Variants in ACOT7 observed in about 807,000 individuals in gnomAD.
The protein encoded by ACOT7 is cytosolic acyl coenzyme A thioester hydrolase.
ACOT7 carries 12 observed loss-of-function variants against 40.2 expected under a neutral mutation model. The ratio of observed to expected loss-of-function variants is 0.30; its 90% CI spans 0.19 to 0.48. The LOEUF (loss-of-function observed/expected upper bound fraction) is 0.48. Ranked by LOEUF, ACOT7 falls within the 20% of genes least tolerant of loss-of-function variation. The pLI, the probability that ACOT7 is intolerant of heterozygous loss-of-function variation, is 0.99. For missense variants in ACOT7, 395 were observed against 530.8 expected, an observed-to-expected ratio of 0.74 and a Z score of 2.51; for synonymous variants, 228 against 219.5, an observed-to-expected ratio of 1.04 and a Z score of -0.34.
At chr1:6,350,988 C>T (rs888286017) in intron 1 of ACOT7, among the ~76,000 whole-genome samples, 1 of 152,232 alleles carries the variant, frequency 6.6e-6, no homozygotes, top group African/African-American at 2.4e-5. Flanking sequence ...CACTCCACAA[C>T]AGCGCTGGCA....
Position 6,281,126 on chromosome 1 carries a change from C to T in ACOT7, c.990G>A (p.Arg330=), listed in dbSNP as rs142092981. ...CCACCAGCTGGGGCACAGGCAGCGACCTGCCTTCCTGGCTCAGCGACACGT... is the reference window on the plus strand; with the variant it reads ...CCACCAGCTGGGGCACAGGCAGCGATCTGCCTTCCTGGCTCAGCGACACGT... The part of the protein sequence containing the change: ...FTYVSLSQEG[R]SLPVPQLVPE... The change falls in exon 8 of 9, where the codon AGG becomes AGA. Residue 330 remains arginine (R), a synonymous_variant. Coordinates refer to ENST00000361521, the MANE Select transcript of ACOT7 (RefSeq NM_007274.4). The T allele has an allele frequency of 9.8e-5, 158 of 1,613,788 alleles. No individual in the cohort carries two copies. Among genetic ancestry groups the T allele is most frequent in the Non-Finnish European group, 1.2e-4 (141 of 1,180,042 alleles).
chr1:6,277,007 G>A (rs540124336), intron 8 of ACOT7, among the ~76,000 whole-genome samples: 1 of 151,920 alleles, frequency 6.6e-6, no homozygotes, highest in South Asian at 2.1e-4. Flanking sequence ...CCCAGGGTAT[G>A]GAGTTCTGGA....
At chr1:6,334,172 C>G (rs888017001) in intron 3 of ACOT7, among the ~76,000 whole-genome samples, 1 of 152,196 alleles carries the variant, frequency 6.6e-6, no homozygotes, top group South Asian at 2.1e-4. Flanking sequence ...TGCCCGGGGA[C>G]ACGAGGCTGA....
At chr1:6,337,257 C>G (rs1641131415) in intron 3 of ACOT7, among the ~76,000 whole-genome samples, 2 of 152,212 alleles carry the variant, frequency 1.3e-5, no homozygotes, top group Non-Finnish European at 2.9e-5. Flanking sequence ...GAGAAGCTCC[C>G]AGCACCTTCT....
chr1:6,375,745 G>A (rs908410256), intron 1 of ACOT7, among the ~76,000 whole-genome samples: 4 of 149,962 alleles, frequency 2.7e-5, no homozygotes, highest in African/African-American at 9.8e-5. Flanking sequence ...GACCATCCTG[G>A]TTAACACGGT....
intron 3 of ACOT7, among the ~76,000 whole-genome samples, chr1:6,339,064 G>T (rs1641188315): frequency 6.6e-6 from 1 of 152,204 alleles, no homozygotes; most frequent in African/African-American, 2.4e-5. Context: ...AGGGCAAGCA[G>T]GGCAGGGAGA....
intron 8 of ACOT7, among the ~76,000 whole-genome samples, chr1:6,280,230 G>A (rs1161117706): frequency 6.6e-6 from 1 of 152,246 alleles, no homozygotes; most frequent in East Asian, 1.9e-4. Flanking sequence ...AGCTCCTACA[G>A]CTCTGCTTTC....
intron 2 of ACOT7, among the ~76,000 whole-genome samples, chr1:6,347,770 A>G (rs1641473086): frequency 6.6e-6 from 1 of 150,902 alleles, no homozygotes; most frequent in South Asian, 2.1e-4. Context: ...CTGTCTCAGA[A>G]AAAAAAAAAC....
chr1:6,272,665 C>A (rs1639069839), intron 8 of ACOT7, among the ~76,000 whole-genome samples: 1 of 152,216 alleles, frequency 6.6e-6, no homozygotes, highest in South Asian at 2.1e-4. Context: ...ACACTCCACA[C>A]CCCTTGCTGA....
chr1:6,272,124 C>G (rs1197904892), intron 8 of ACOT7, among the ~76,000 whole-genome samples: 2 of 152,240 alleles, frequency 1.3e-5, no homozygotes, highest in African/African-American at 4.8e-5. Flanking sequence ...GTGCTCATGG[C>G]ACACCTCTGC....
chr1:6,354,479 G>A lies in ACOT7; in HGVS notation c.144-4613C>T, dbSNP rs137934407. Among the ~76,000 whole-genome samples the A allele has an allele frequency of 1.1e-3, 168 of 152,358 alleles. 1 individual carries two copies. The highest frequency in any genetic ancestry group is 3.8e-3 in the African/African-American group (158 of 41,578). On this transcript the variant is annotated intron_variant, in intron 1 of 8. Coordinates refer to ENST00000361521, the MANE Select transcript of ACOT7 (RefSeq NM_007274.4). The stretch of plus-strand genomic sequence containing the variant: ...AGAAGCGATGTCCTGAGACAGGGAC[G>A]CAGCTGTCATGCAGGGCCTCAGGGC...
intron 1 of ACOT7, among the ~76,000 whole-genome samples, chr1:6,375,219 C>T (rs1011894082): frequency 3.4e-5 from 5 of 147,950 alleles, no homozygotes; most frequent in East Asian, 2.0e-4. Flanking sequence ...GCCAAGATCG[C>T]GCCACTGCAC....
chr1:6,369,650 C>T (rs1642091238), intron 1 of ACOT7, among the ~76,000 whole-genome samples: 1 of 152,046 alleles, frequency 6.6e-6, no homozygotes, highest in African/African-American at 2.4e-5. Flanking sequence ...ACGATCTCAG[C>T]TCACTGCAAG....
chr1:6,289,158 G>A lies in ACOT7; in HGVS notation c.829+5706C>T, dbSNP rs1362374450. Among the ~76,000 whole-genome samples the A allele has an allele frequency of 6.6e-6, 1 of 152,144 alleles. No individual in the cohort carries two copies. The highest frequency in any genetic ancestry group is 1.5e-5 in the Non-Finnish European group (1 of 68,028). Reference sequence around the variant, plus strand: ...TCTGTCGCCCCGGCTGGAGTGCAGTGACACGATCTCGGCTCACTGCAACAT... The same window carrying A: ...TCTGTCGCCCCGGCTGGAGTGCAGTAACACGATCTCGGCTCACTGCAACAT... On this transcript the variant is annotated intron_variant, in intron 7 of 8. Transcript: ENST00000361521. The surrounding 1 kb of genome is among the most constrained non-coding windows in gnomAD (Gnocchi z 4.6).
rs776105294 is a variant in ACOT7 at position 6,330,391 on chromosome 1, G to T, written c.511-2978C>A. Among the ~76,000 whole-genome samples, 1 of 152,194 alleles carries T rather than the reference G, an allele frequency of 6.6e-6. No individual in the cohort carries two copies. The highest frequency in any genetic ancestry group is 1.5e-5 in the Non-Finnish European group (1 of 68,034). On this transcript the variant is annotated intron_variant, in intron 4 of 8. Transcript: ENST00000361521. The surrounding 1 kb of genome is among the most constrained non-coding windows in gnomAD (Gnocchi z 4.6). ...AGACCTAGATTCCAAATCAGTGGGA[G>T]GTTTATACTACGTGGGCCTAGCGTG...
At chr1:6,374,440 C>G (rs530159440) in intron 1 of ACOT7, among the ~76,000 whole-genome samples, 2 of 152,344 alleles carry the variant, frequency 1.3e-5, no homozygotes, top group African/African-American at 4.8e-5. Flanking sequence ...CTCCAAATGT[C>G]AAGGAGGATG....
At chr1:6,392,919 C>A (rs1417911325) in intron 1 of ACOT7, among the ~76,000 whole-genome samples, 24 of 152,168 alleles carry the variant, frequency 1.6e-4, no homozygotes, top group Non-Finnish European at 3.4e-4. Context: ...GGGCGGCCCA[C>A]GGGCGCCGGT....
intron 6 of ACOT7, among the ~76,000 whole-genome samples, chr1:6,300,534 A>C (rs1639938925): frequency 1.4e-5 from 2 of 140,936 alleles, no homozygotes; most frequent in South Asian, 2.3e-4. Flanking sequence ...CCTCTCCACA[A>C]ACACAGAATC....
chr1:6,281,013 C>A lies in ACOT7; in HGVS notation c.1014+89G>T, dbSNP rs899509487. 6 of 1,502,672 alleles carry A rather than the reference C, an allele frequency of 4.0e-6. No individual in the cohort carries two copies. The South Asian group carries it at 6.0e-5, about 15-fold the overall frequency. The allele number at this position is 1,502,672 out of a possible 1,614,324, so 93.1% of individuals were successfully genotyped here. On this transcript the variant is annotated intron_variant, in intron 8 of 8. Coordinates refer to ENST00000361521, the MANE Select transcript of ACOT7 (RefSeq NM_007274.4). ...CCCTACTGACAGGACAGGACTCATG[C>A]AGGCACAGATTCCCCCTGGAGGCCC...
Sources: allele counts gnomAD v4.1 joint callset (sites outside exome capture counted in the v4.1 genomes callset), GRCh38; gene constraint gnomAD v4.1.1; non-coding constraint Gnocchi (gnomAD v3.1); transcripts MANE v1.5; gene names NCBI Gene and HGNC (gene_info 2026-07-23, HGNC 2026-07-21).